NR1H4: variants seen among roughly 807,000 people sequenced by gnomAD.
NR1H4 encodes the protein bile acid receptor.
A neutral mutation model predicts 58.5 loss-of-function variants in NR1H4; 23 were observed. The ratio of observed to expected loss-of-function variants is 0.39; its 90% CI spans 0.28 to 0.56. NR1H4 has a LOEUF of 0.56. Among genes scored for constraint, NR1H4 ranks in the 20% least tolerant of loss-of-function variants. NR1H4 has a pLI of 0.58. For synonymous variants in NR1H4, 214 were observed against 198.0 expected (o/e 1.08, Z -0.68); for missense variants, 487 against 576.9 (o/e 0.84, Z 1.60).
chr12:100,508,978 G>C (rs1954038674), intron 3 of NR1H4, among the ~76,000 whole-genome samples: 1 of 152,174 alleles, frequency 6.6e-6, no homozygotes. Context: ...GTTCCAGACT[G>C]TGCTGGGAGG....
At chr12:100,558,038 T>G (rs1320704100) in intron 9 of NR1H4, among the ~76,000 whole-genome samples, 1 of 151,586 alleles carries the variant, frequency 6.6e-6, no homozygotes, top group Non-Finnish European at 1.5e-5. Flanking sequence ...AAGAAGTCTG[T>G]TTTTTTTGTT....
At chr12:100,486,355 A>G (rs1200475803) in intron 1 of NR1H4, among the ~76,000 whole-genome samples, 2 of 152,242 alleles carry the variant, frequency 1.3e-5, no homozygotes, top group African/African-American at 4.8e-5. Context: ...TATAGTAAAG[A>G]CAAAACAGAT....
At chr12:100,486,680 G>T (rs1189123979) in intron 1 of NR1H4, among the ~76,000 whole-genome samples, 1 of 152,114 alleles carries the variant, frequency 6.6e-6, no homozygotes, top group Non-Finnish European at 1.5e-5. Flanking sequence ...AATGTTGAAA[G>T]AGAATGATCG....
intron 1 of NR1H4, among the ~76,000 whole-genome samples, chr12:100,483,648 C>T (rs770607477): frequency 9.9e-5 from 15 of 152,118 alleles, no homozygotes; most frequent in Non-Finnish European, 1.8e-4. Flanking sequence ...AAAAATAAAA[C>T]GTTTTTTCTT....
intron 3 of NR1H4, among the ~76,000 whole-genome samples, chr12:100,495,146 G>A (rs1953686613): frequency 6.6e-6 from 1 of 152,108 alleles, no homozygotes; most frequent in Non-Finnish European, 1.5e-5. Context: ...TTTATGGTGT[G>A]GTTCTCTCCT....
chr12:100,497,214 G>A (rs750158238), intron 3 of NR1H4, among the ~76,000 whole-genome samples: 3 of 152,116 alleles, frequency 2.0e-5, no homozygotes, highest in Non-Finnish European at 4.4e-5. Context: ...CGTTGGTTGA[G>A]CGTCACCCCA....
rs1225258188 is a variant in NR1H4, at chr12:100,473,904, C to G, written c.-345C>G. On this transcript the variant is annotated 5_prime_UTR_variant, in exon 1 of 11. Transcript: ENST00000392986. ...TGATCATGCACAGTACACTGGAACT[C>G]TCTCCTCCTCCTCACCTCATTGTCT... is the stretch of plus-strand genomic sequence containing the variant. 1.3e-5 allele frequency: 2 copies of G among 152,238 alleles called. No homozygotes were observed. Among genetic ancestry groups the G allele is most frequent in the Admixed American group, 6.5e-5 (1 of 15,282 alleles). The allele number at this position is 152,238 out of a possible 1,614,324, so 9.4% of individuals were successfully genotyped here. A position where few individuals can be genotyped will look rare whatever the true frequency, so the allele number is the denominator to read the frequency against.
At chr12:100,559,765 G>A (rs1264809862) in intron 9 of NR1H4, among the ~76,000 whole-genome samples, 1 of 152,248 alleles carries the variant, frequency 6.6e-6, no homozygotes, top group African/African-American at 2.4e-5. Flanking sequence ...TGAGGAATGC[G>A]AGCGCAGGGC....
intron 9 of NR1H4, among the ~76,000 whole-genome samples, chr12:100,553,061 C>T (rs770973941): frequency 1.6e-4 from 25 of 151,882 alleles, no homozygotes; most frequent in Non-Finnish European, 2.9e-4. Context: ...TGCAGTGCAG[C>T]GATCTTAGCT....
At chr12:100,518,083 G>T (rs1435217137) in intron 4 of NR1H4, among the ~76,000 whole-genome samples, 3 of 152,200 alleles carry the variant, frequency 2.0e-5, no homozygotes, top group Admixed American at 6.5e-5. Context: ...AATCCCTAAA[G>T]TCACTAACCT....
chr12:100,509,809 T>C (rs1954059001), intron 3 of NR1H4, among the ~76,000 whole-genome samples: 1 of 152,216 alleles, frequency 6.6e-6, no homozygotes, highest in Non-Finnish European at 1.5e-5. Flanking sequence ...AATTATGCAA[T>C]CTTCTATCCC....
chr12:100,532,116 A>G (rs1215790533), intron 4 of NR1H4, among the ~76,000 whole-genome samples: 1 of 152,130 alleles, frequency 6.6e-6, no homozygotes, highest in Non-Finnish European at 1.5e-5. Context: ...CCCAGGGGTG[A>G]ATTGTTTGCC....
intron 1 of NR1H4, among the ~76,000 whole-genome samples, chr12:100,490,292 A>T (rs1002691303): frequency 2.0e-5 from 3 of 152,172 alleles, no homozygotes; most frequent in African/African-American, 7.2e-5. Context: ...ATATTAAAAA[A>T]CTGTAATGTG....
rs1025587357 is a variant in NR1H4 at position 100,542,569 on chromosome 12, T to C, written c.1078+1751T>C. 2.0e-5 allele frequency among the ~76,000 whole-genome samples: 3 copies of C among 152,172 alleles called. 1 individual carries two copies. The highest frequency in any genetic ancestry group is 1.3e-4 in the Admixed American group (2 of 15,282). On this transcript the variant is annotated intron_variant, in intron 9 of 10. Transcript: ENST00000392986. ...TTTCCCGAGAGATTTCATATATGGG[T>C]TGGGAGTGGGGAATGAATGAGATGA...
intron 6 of NR1H4, 31 bp downstream of exon 6, chr12:100,535,054 T>G (rs1954784354): frequency 1.9e-6 from 3 of 1,613,838 alleles, no homozygotes; most frequent in Non-Finnish European, 2.5e-6. Context: ...CTGCCAAGAC[T>G]GGCAGGAACT....
chr12:100,554,697 C>A (rs138579693), intron 9 of NR1H4, among the ~76,000 whole-genome samples: 1 of 151,990 alleles, frequency 6.6e-6, no homozygotes, highest in African/African-American at 2.4e-5. Context: ...AGAAAATAGC[C>A]CCCCCTTGTG....
At chr12:100,527,892 G>A (rs1954601535) in intron 4 of NR1H4, among the ~76,000 whole-genome samples, 2 of 152,082 alleles carry the variant, frequency 1.3e-5, no homozygotes, top group South Asian at 2.1e-4. Context: ...AAAAGAAAGA[G>A]ATAATAGTAG....
chr12:100,494,739 A>G (rs902751222), intron 3 of NR1H4, among the ~76,000 whole-genome samples: 2 of 152,234 alleles, frequency 1.3e-5, no homozygotes, highest in Non-Finnish European at 2.9e-5. Flanking sequence ...CAATGTATAG[A>G]CATCTTAATG....
intron 9 of NR1H4, among the ~76,000 whole-genome samples, chr12:100,551,701 T>C (rs1332790568): frequency 2.0e-5 from 3 of 152,232 alleles, no homozygotes; most frequent in Admixed American, 1.3e-4. Context: ...CCCAAGCTTT[T>C]TGTACTTGCT....
Sources: allele counts gnomAD v4.1 joint callset (sites outside exome capture counted in the v4.1 genomes callset), GRCh38; gene constraint gnomAD v4.1.1; transcripts MANE v1.5; gene names NCBI Gene and HGNC (gene_info 2026-07-23, HGNC 2026-07-21).